Variants in COX10 observed in about 807,000 individuals in gnomAD.
The protein encoded by COX10 is protoheme IX farnesyltransferase, mitochondrial.
A neutral mutation model predicts 37.3 loss-of-function variants in COX10; 27 were observed. The ratio of observed to expected loss-of-function variants is 0.72; its 90% confidence interval spans 0.53 to 1.00. COX10 has a LOEUF of 1.00. COX10 is among the 50% of genes least tolerant of loss of function. The pLI is 0.00. For missense variants in COX10, 475 were observed against 563.2 expected (o/e 0.84, Z 1.59); for synonymous variants, 222 against 229.1 (o/e 0.97, Z 0.28).
chr17:14,155,803 T>TG (rs966517330), intron 4 of COX10, among the ~76,000 whole-genome samples: 7 of 152,024 alleles, frequency 4.6e-5, no homozygotes, highest in South Asian at 2.1e-4. Flanking sequence ...CTCATTGTGT[T>TG]GGGGGGAAAG....
At chr17:14,206,701 C>T in intron 6 of COX10, 109 bp from the exon 7 acceptor site, 1 of 1,384,346 alleles carries the variant, frequency 7.2e-7, no homozygotes, top group Non-Finnish European at 1.0e-6. Flanking sequence ...CACAGGGTGG[C>T]AGAGCTTCTG....
At chr17:14,101,122 A>G (rs1915768427) in intron 3 of COX10, among the ~76,000 whole-genome samples, 2 of 152,152 alleles carry the variant, frequency 1.3e-5, no homozygotes, top group South Asian at 4.1e-4. Flanking sequence ...AACAGACACT[A>G]CTTTGCAATG....
At chr17:14,206,117 T>G (rs1490464884) in intron 6 of COX10, among the ~76,000 whole-genome samples, 2 of 152,134 alleles carry the variant, frequency 1.3e-5, no homozygotes, top group African/African-American at 4.8e-5. Context: ...GGCAGGCTTG[T>G]GCCCTGGAAG....
intron 3 of COX10, 57 bp from the exon 4 acceptor site, chr17:14,102,061 C>T: frequency 6.2e-7 from 1 of 1,612,280 alleles, no homozygotes; most frequent in Non-Finnish European, 8.5e-7. Flanking sequence ...TCGTTCTGGC[C>T]TTTACAGTTG....
intron 4 of COX10, among the ~76,000 whole-genome samples, chr17:14,132,128 A>G (rs777872790): frequency 3.9e-5 from 6 of 152,106 alleles, no homozygotes; most frequent in Middle Eastern, 6.8e-3. Flanking sequence ...TCTTCATCCA[A>G]ACATCATGAA....
chr17:14,193,858 T>C (rs538381989), intron 6 of COX10, among the ~76,000 whole-genome samples: 161 of 150,760 alleles, frequency 1.1e-3, no homozygotes, highest in African/African-American at 3.8e-3. Flanking sequence ...GTGCAGACAT[T>C]TGAGGTGGAG....
chr17:14,201,633 C>T (rs1300132824), intron 6 of COX10, among the ~76,000 whole-genome samples: 1 of 152,172 alleles, frequency 6.6e-6, no homozygotes, highest in African/African-American at 2.4e-5. Flanking sequence ...AGCCATTTTC[C>T]CAGCTGAGGT....
chr17:14,136,443 A>C (rs1317271695), intron 4 of COX10, among the ~76,000 whole-genome samples: 1 of 152,052 alleles, frequency 6.6e-6, no homozygotes, highest in Non-Finnish European at 1.5e-5. Flanking sequence ...TTAGCAAAAC[A>C]AAGCCTAGAT....
intron 6 of COX10, among the ~76,000 whole-genome samples, chr17:14,200,702 A>T (rs1332603685): frequency 6.6e-6 from 1 of 152,248 alleles, no homozygotes; most frequent in Non-Finnish European, 1.5e-5. Context: ...ATGTTCACAG[A>T]CTAGCAAGTA....
intron 4 of COX10, among the ~76,000 whole-genome samples, chr17:14,111,126 C>A (rs1376289739): frequency 6.6e-6 from 1 of 152,068 alleles, no homozygotes; most frequent in Non-Finnish European, 1.5e-5. Context: ...CTGCTTTGAG[C>A]AAGCTATTAG....
At chr17:14,117,463 G>A (rs1051498768) in intron 4 of COX10, among the ~76,000 whole-genome samples, 2 of 152,182 alleles carry the variant, frequency 1.3e-5, no homozygotes, top group African/African-American at 4.8e-5. Context: ...ACATTATGCT[G>A]TATTTTGGAT....
chr17:14,119,827 G>T (rs1307715704), intron 4 of COX10, among the ~76,000 whole-genome samples: 1 of 152,200 alleles, frequency 6.6e-6, no homozygotes, highest in African/African-American at 2.4e-5. Flanking sequence ...TATAGACTAT[G>T]TTAAGATTTT....
intron 5 of COX10, among the ~76,000 whole-genome samples, chr17:14,170,552 C>A (rs1905432296): frequency 6.6e-6 from 1 of 152,164 alleles, no homozygotes; most frequent in African/African-American, 2.4e-5. Flanking sequence ...GCATGGTTCA[C>A]ACCTATAATT....
chr17:14,114,779 T>TA (rs1014157879), intron 4 of COX10, among the ~76,000 whole-genome samples: 22 of 152,138 alleles, frequency 1.4e-4, no homozygotes, highest in Admixed American at 1.3e-3. Flanking sequence ...TGTAGTTGCA[T>TA]AAAAATGTCC....
intron 4 of COX10, among the ~76,000 whole-genome samples, chr17:14,140,050 GA>G (rs1904491270): frequency 6.6e-6 from 1 of 152,078 alleles, no homozygotes; most frequent in Non-Finnish European, 1.5e-5. Flanking sequence ...AGTTTGTGAT[GA>G]AAATTTTACA....
At chr17:14,137,073 G>A (rs2142223109) in intron 4 of COX10, among the ~76,000 whole-genome samples, 1 of 151,946 alleles carries the variant, frequency 6.6e-6, no homozygotes, top group African/African-American at 2.4e-5. Flanking sequence ...GTTTTACCAA[G>A]AGTTGGTGAG....
intron 2 of COX10, among the ~76,000 whole-genome samples, chr17:14,075,991 C>A (rs1216975880): frequency 1.3e-4 from 11 of 83,410 alleles, no homozygotes; most frequent in Admixed American, 3.8e-4. Flanking sequence ...GGCTCCATCT[C>A]AAAAAAAAAA....
At chr17:14,126,099 G>C (rs185328411) in intron 4 of COX10, among the ~76,000 whole-genome samples, 176 of 152,216 alleles carry the variant, frequency 1.2e-3, no homozygotes, top group Admixed American at 2.4e-3. Flanking sequence ...TTGATTCATT[G>C]CTGGGTTTTT....
intron 5 of COX10, among the ~76,000 whole-genome samples, chr17:14,190,172 AT>A (rs1906157197): frequency 6.6e-6 from 1 of 152,228 alleles, no homozygotes; most frequent in Admixed American, 6.5e-5. Flanking sequence ...AAGAGTTAAA[AT>A]AGTCACTATA....
Sources: allele counts gnomAD v4.1 joint callset (sites outside exome capture counted in the v4.1 genomes callset), GRCh38; gene constraint gnomAD v4.1.1; transcripts MANE v1.5; gene names NCBI Gene and HGNC (gene_info 2026-07-23, HGNC 2026-07-21).